The following GALNT17 variants were observed in gnomAD, a reference collection of about 807,000 sequenced individuals.
GALNT17 encodes the protein UDP-GalNAc:polypeptide N-acetylgalactosaminyltransferase-like 3.
GALNT17 carries 29 observed loss-of-function variants against 63.7 expected under a neutral mutation model. The ratio of observed to expected loss-of-function variants is 0.46; its 90% CI spans 0.34 to 0.62. The LOEUF is 0.62. Ranked by LOEUF, GALNT17 falls within the 20% of genes least tolerant of loss-of-function variation. The pLI, the probability that GALNT17 is intolerant of heterozygous loss-of-function variation, is 0.01. For synonymous variants in GALNT17, 305 were observed against 318.3 expected (o/e 0.96, Z 0.45); for missense variants, 603 against 799.6 (o/e 0.75, Z 2.97).
At chr7:71,182,701 AC>A (rs1419094590) in intron 1 of GALNT17, among the ~76,000 whole-genome samples, 1 of 152,094 alleles carries the variant, frequency 6.6e-6, no homozygotes, top group Non-Finnish European at 1.5e-5. Context: ...TCCAAATGTT[AC>A]AGCAGATCTT....
chr7:71,209,201 C>G (rs755272222), intron 1 of GALNT17, among the ~76,000 whole-genome samples: 2 of 152,170 alleles, frequency 1.3e-5, no homozygotes, highest in Non-Finnish European at 2.9e-5. Context: ...AAATGCAAAA[C>G]CATTCTTCAC....
intron 1 of GALNT17, among the ~76,000 whole-genome samples, chr7:71,151,429 G>C (rs1788130258): frequency 6.6e-6 from 1 of 152,098 alleles, no homozygotes; most frequent in Non-Finnish European, 1.5e-5. Context: ...AGACCATCCT[G>C]GCTAACATGG....
chr7:71,256,030 A>C (rs572749258), intron 1 of GALNT17, among the ~76,000 whole-genome samples: 1 of 152,270 alleles, frequency 6.6e-6, no homozygotes, highest in South Asian at 2.1e-4. Flanking sequence ...TTTACAATCT[A>C]TTCTCCCTGA....
intron 5 of GALNT17, among the ~76,000 whole-genome samples, chr7:71,536,678 C>T (rs908576481): frequency 6.6e-6 from 1 of 152,116 alleles, no homozygotes; most frequent in African/African-American, 2.4e-5. Context: ...GGGTCCCTCC[C>T]ACAACACGTG....
intron 1 of GALNT17, among the ~76,000 whole-genome samples, chr7:71,207,172 A>G (rs914029568): frequency 6.6e-6 from 1 of 151,280 alleles, no homozygotes; most frequent in Non-Finnish European, 1.5e-5. Context: ...TTTTCTTCTC[A>G]TCAGAGAGAG....
chr7:71,517,551 C>T (rs1458195731), intron 5 of GALNT17, among the ~76,000 whole-genome samples: 4 of 152,232 alleles, frequency 2.6e-5, no homozygotes, highest in African/African-American at 9.6e-5. Context: ...TTGGAGTGTC[C>T]TTCTAGCCAG....
At chr7:71,210,568 T>C (rs937395954) in intron 1 of GALNT17, among the ~76,000 whole-genome samples, 2 of 152,198 alleles carry the variant, frequency 1.3e-5, no homozygotes, top group African/African-American at 4.8e-5. Context: ...TAGAATATTA[T>C]AATTTAACTA....
intron 5 of GALNT17, among the ~76,000 whole-genome samples, chr7:71,545,668 T>G (rs1048104042): frequency 6.6e-6 from 1 of 152,208 alleles, no homozygotes; most frequent in African/African-American, 2.4e-5. Flanking sequence ...TTACTCATTT[T>G]GAACATTCGT....
intron 9 of GALNT17, among the ~76,000 whole-genome samples, chr7:71,708,580 A>G (rs1250010068): frequency 9.2e-5 from 14 of 152,222 alleles, no homozygotes; most frequent in Admixed American, 9.2e-4. Context: ...ATTTTGATTC[A>G]GAGGAGTACA....
chr7:71,432,565 G>A (rs1239154785), intron 5 of GALNT17, among the ~76,000 whole-genome samples: 1 of 152,160 alleles, frequency 6.6e-6, no homozygotes, highest in Admixed American at 6.5e-5. Flanking sequence ...TCTGGATTGT[G>A]CGGGGTTTAG....
At chr7:71,388,588 A>C (rs938012044) in intron 3 of GALNT17, among the ~76,000 whole-genome samples, 187 bp downstream of exon 3, 1 of 151,934 alleles carries the variant, frequency 6.6e-6, no homozygotes, top group East Asian at 1.9e-4. Flanking sequence ...GTGCAGTGGC[A>C]TGATCTCAGC....
At chr7:71,147,496 T>C (rs1788045125) in intron 1 of GALNT17, among the ~76,000 whole-genome samples, 1 of 152,190 alleles carries the variant, frequency 6.6e-6, no homozygotes, top group East Asian at 1.9e-4. Flanking sequence ...GACTCGAATG[T>C]TAATCTCTTT....
intron 1 of GALNT17, among the ~76,000 whole-genome samples, chr7:71,150,500 T>A (rs1195145745): frequency 1.3e-5 from 2 of 151,880 alleles, no homozygotes; most frequent in Non-Finnish European, 2.9e-5. Flanking sequence ...TCTCTCTTTT[T>A]TTTCGTTTTC....
intron 5 of GALNT17, among the ~76,000 whole-genome samples, chr7:71,472,480 A>C (rs1787648529): frequency 6.6e-6 from 1 of 152,196 alleles, no homozygotes; most frequent in Non-Finnish European, 1.5e-5. Context: ...AATGGTCAAG[A>C]GGTCAAGACC....
intron 3 of GALNT17, among the ~76,000 whole-genome samples, chr7:71,411,243 C>T (rs1484075235): frequency 6.6e-6 from 1 of 152,104 alleles, no homozygotes; most frequent in East Asian, 1.9e-4. Flanking sequence ...ACCCCAGCCT[C>T]TCGAGTAGCT....
chr7:71,160,996 G>A (rs1788332574), intron 1 of GALNT17, among the ~76,000 whole-genome samples: 1 of 151,336 alleles, frequency 6.6e-6, no homozygotes, highest in Non-Finnish European at 1.5e-5. Flanking sequence ...ACTATGCCTG[G>A]CTAATTAAAA....
chr7:71,377,486 A>T (rs1025451984), intron 2 of GALNT17, among the ~76,000 whole-genome samples: 3 of 152,122 alleles, frequency 2.0e-5, no homozygotes, highest in African/African-American at 7.2e-5. Context: ...GGGGAGACTC[A>T]CACTGACAGT....
intron 6 of GALNT17, among the ~76,000 whole-genome samples, chr7:71,628,067 CA>C (rs746667395): frequency 7.1e-5 from 5 of 70,200 alleles, no homozygotes; most frequent in Admixed American, 4.5e-4. Flanking sequence ...TAGGGGATCT[CA>C]GGGGGAAAAA....
intron 5 of GALNT17, among the ~76,000 whole-genome samples, chr7:71,465,619 A>C (rs76834575): frequency 1.3e-5 from 2 of 152,166 alleles, no homozygotes; most frequent in African/African-American, 4.8e-5. Flanking sequence ...ATCTCCTCCT[A>C]CTGTGTCCAA....
Sources: allele counts gnomAD v4.1 joint callset (sites outside exome capture counted in the v4.1 genomes callset), GRCh38; gene constraint gnomAD v4.1.1; transcripts MANE v1.5; gene names NCBI Gene and HGNC (gene_info 2026-07-23, HGNC 2026-07-21).